SMC5: variants seen among roughly 807,000 people sequenced by gnomAD.
The protein encoded by SMC5 is structural maintenance of chromosomes protein 5.
In SMC5, 88 loss-of-function variants were observed where a neutral mutation model predicts 148.3. The ratio of observed to expected loss-of-function variants is 0.59; its 90% CI spans 0.50 to 0.71. SMC5 has a LOEUF of 0.71. Among genes scored for constraint, SMC5 ranks in the 30% least tolerant of loss-of-function variants. The probability of loss-of-function intolerance (pLI) is 0.00; values close to 1 mark genes in which losing one functional copy is unlikely to be tolerated. For missense variants in SMC5, 1,142 were observed against 1,298.9 expected (o/e 0.88, Z 1.86); for synonymous variants, 421 against 432.8 (o/e 0.97, Z 0.34).
At chr9:70,262,414 C>T (rs2034163060) in intron 1 of SMC5, among the ~76,000 whole-genome samples, 1 of 152,060 alleles carries the variant, frequency 6.6e-6, no homozygotes. Context: ...ACAATTCTAC[C>T]AGCATCACTT....
At chr9:70,323,721 A>G in intron 16 of SMC5, 115 bp downstream of exon 16, 5 of 1,187,896 alleles carry the variant, frequency 4.2e-6, no homozygotes, top group South Asian at 3.2e-5. Context: ...TTTTAGTTAT[A>G]TAAGCAAGAG....
At chr9:70,341,397 G>T (rs1347956715) in intron 17 of SMC5, among the ~76,000 whole-genome samples, 6 of 152,168 alleles carry the variant, frequency 3.9e-5, no homozygotes, top group Non-Finnish European at 8.8e-5. Flanking sequence ...GAAATTAGGA[G>T]TATTTAGTTT....
At chr9:70,347,499 C>A in intron 20 of SMC5, 114 bp from the exon 21 acceptor site, 1 of 602,972 alleles carries the variant, frequency 1.7e-6, no homozygotes, top group Non-Finnish European at 2.9e-6. Context: ...TATTTGCATA[C>A]AAACAATGCA....
chr9:70,279,867 G>A (rs1331532468), intron 5 of SMC5, among the ~76,000 whole-genome samples: 1 of 151,778 alleles, frequency 6.6e-6, no homozygotes. Flanking sequence ...TTAGGTTCAG[G>A]GGTACATGTG....
chr9:70,269,464 T>C (rs2034385959), intron 3 of SMC5, among the ~76,000 whole-genome samples: 1 of 151,914 alleles, frequency 6.6e-6, no homozygotes, highest in African/African-American at 2.4e-5. Context: ...CCTGTAGTCC[T>C]AGCTACTTAG....
chr9:70,311,017 A>G (rs574082629), intron 11 of SMC5: 2 of 152,306 alleles, frequency 1.3e-5, no homozygotes, highest in South Asian at 4.1e-4. Flanking sequence ...TATTCAGACC[A>G]CTAAAACTTT....
chr9:70,264,508 A>G (rs757233309), intron 2 of SMC5, 63 bp downstream of exon 2: 38 of 1,547,236 alleles, frequency 2.5e-5, no homozygotes, highest in Admixed American at 3.5e-5. Flanking sequence ...AGTAACATCA[A>G]TTTCTACACC....
In SMC5 at chr9:70,352,148, C is replaced by A. The variant is rs188364439; in HGVS notation, c.3166-43C>A. On this transcript the variant is annotated intron_variant, in intron 24 of 24. Coordinates refer to ENST00000361138, the MANE Select transcript of SMC5 (RefSeq NM_015110.4). Reference sequence around the variant, plus strand: ...CATGTAAGGTTGGAAAACTATACTTCTCAGTATATAGCTTATATGACAATT... The same window carrying A: ...CATGTAAGGTTGGAAAACTATACTTATCAGTATATAGCTTATATGACAATT... 244 of 1,495,742 alleles carry A rather than the reference C, an allele frequency of 1.6e-4. No homozygotes were observed. In the African/African-American group the frequency reaches 2.9e-3, roughly 18 times the overall value. The allele number at this position is 1,495,742 out of a possible 1,614,324, so 92.7% of individuals were successfully genotyped here.
chr9:70,320,934 G>A (rs997632859), intron 15 of SMC5, among the ~76,000 whole-genome samples: 1 of 152,150 alleles, frequency 6.6e-6, no homozygotes, highest in South Asian at 2.1e-4. Context: ...TAAAGCACTA[G>A]CATTTTTACT....
rs538790396 is a variant in SMC5 at position 70,327,628 on chromosome 9, A to G, written c.2397+3485A>G. ...CATTTATCCTGAAAATAACAAATAC[A>G]TGATGAAGAGAAGTTTATCTTTAAA... On this transcript the variant is annotated intron_variant, in intron 17 of 24. Coordinates refer to ENST00000361138, the MANE Select transcript of SMC5 (RefSeq NM_015110.4). Among the ~76,000 whole-genome samples the G allele has an allele frequency of 1.5e-4, 23 of 152,378 alleles. 1 individual carries two copies. In the South Asian group the frequency reaches 4.8e-3, roughly 32 times the overall value.
chr9:70,280,998 T>C, intron 6 of SMC5, 99 bp downstream of exon 6: 1 of 1,364,218 alleles, frequency 7.3e-7, no homozygotes, highest in Non-Finnish European at 1.0e-6. Flanking sequence ...TAGGTGCTTC[T>C]TTTTCATTTT....
chr9:70,342,489 C>T (rs2036555307), intron 17 of SMC5, among the ~76,000 whole-genome samples: 1 of 152,018 alleles, frequency 6.6e-6, no homozygotes, highest in South Asian at 2.1e-4. Context: ...CATTCCATAT[C>T]CCCCACCCCC....
Position 70,353,277 on chromosome 9 carries a change from T to G in SMC5, c.*946T>G, listed in dbSNP as rs1026168278. On this transcript the variant is annotated 3_prime_UTR_variant, in exon 25 of 25. Transcript: ENST00000361138. ...AGCATTGATTTCTTTAAAACCGTAATGTTTTTAGAACTTAAGCCTATAGGG... is the reference window on the plus strand; with the variant it reads ...AGCATTGATTTCTTTAAAACCGTAAGGTTTTTAGAACTTAAGCCTATAGGG... 1 of 152,194 alleles carries G rather than the reference T, an allele frequency of 6.6e-6. No individual in the cohort carries two copies. The highest frequency in any genetic ancestry group is 1.9e-4 in the East Asian group (1 of 5,202). 9.4% of individuals were successfully genotyped at this position (152,194 alleles called of 1,614,324 possible). A position where few individuals can be genotyped will look rare whatever the true frequency, so the allele number is the denominator to read the frequency against.
In SMC5 at chr9:70,313,684, G is replaced by A. The variant is rs529733016; in HGVS notation, c.1579-1058G>A. On this transcript the variant is annotated intron_variant, in intron 11 of 24. Coordinates refer to ENST00000361138, the MANE Select transcript of SMC5 (RefSeq NM_015110.4). ...AGCTAATTTTTTTGTATTTTTAGTA[G>A]AGACGGGCTTTCACCATGTTGGTCG... is the stretch of plus-strand genomic sequence containing the variant. Among the ~76,000 whole-genome samples the A allele has an allele frequency of 3.3e-5, 5 of 152,164 alleles. No homozygotes were observed. The East Asian group carries it at 9.7e-4, about 29-fold the overall frequency.
chr9:70,345,983 T>A (rs2036657833), intron 18 of SMC5, among the ~76,000 whole-genome samples: 1 of 152,144 alleles, frequency 6.6e-6, no homozygotes, highest in South Asian at 2.1e-4. Context: ...GACTTGCTGA[T>A]GGATTTGACA....
chr9:70,312,326 A>G (rs1442384610), intron 11 of SMC5, among the ~76,000 whole-genome samples: 1 of 151,966 alleles, frequency 6.6e-6, no homozygotes, highest in Non-Finnish European at 1.5e-5. Context: ...AGACTTTTAA[A>G]CCATCAGATT....
intron 11 of SMC5, chr9:70,311,048 A>G (rs2035643344): frequency 6.6e-6 from 1 of 152,188 alleles, no homozygotes; most frequent in Non-Finnish European, 1.5e-5. Flanking sequence ...GCAATAAGGT[A>G]ATTTTGCTTT....
Position 70,315,515 on chromosome 9 carries a change from CT to C in SMC5, c.1744del (p.Cys582ValfsTer10). ...APDPVMSYLC[C>X]QYHIHEVPVG... ...CTGATCCTGTAATGAGTTACCTTTGCTGTCAGTATCATATTCATGAAGTTCC... is the reference window on the plus strand; with the variant it reads ...CTGATCCTGTAATGAGTTACCTTTGCGTCAGTATCATATTCATGAAGTTCC... On this transcript the variant is annotated frameshift_variant, in exon 13 of 25. Transcript: ENST00000361138. LOFTEE classifies it high-confidence loss of function. The C allele has an allele frequency of 6.3e-7, 1 of 1,597,390 alleles. No individual in the cohort carries two copies. The highest frequency in any genetic ancestry group is 1.1e-5 in the South Asian group (1 of 88,834).
intron 2 of SMC5, among the ~76,000 whole-genome samples, chr9:70,267,095 A>G (rs1180106): frequency 0.21 from 31,838 of 149,502 alleles, 3,499 homozygotes; most frequent in South Asian, 0.28. Flanking sequence ...AAATGAATGT[A>G]TACTTCAAGG....
Sources: allele counts gnomAD v4.1 joint callset (sites outside exome capture counted in the v4.1 genomes callset), GRCh38; gene constraint gnomAD v4.1.1; transcripts MANE v1.5; gene names NCBI Gene and HGNC (gene_info 2026-07-23, HGNC 2026-07-21).